The following LRRIQ3 variants were observed in gnomAD, a reference collection of about 807,000 sequenced individuals.
LRRIQ3 encodes leucine-rich repeat and IQ domain-containing protein 3.
Under a neutral mutation model 59.3 loss-of-function variants are expected in LRRIQ3, and 75 were observed. The observed-to-expected ratio is 1.26, with a 90% CI of 1.05 to 1.53. The LOEUF (loss-of-function observed/expected upper bound fraction) is 1.53, where lower values mean the gene tolerates loss of function less well. Ranked by LOEUF, LRRIQ3 falls within the 40% of genes most tolerant of loss-of-function variation. The pLI, the probability that LRRIQ3 is intolerant of heterozygous loss-of-function variation, is 0.00. For synonymous variants in LRRIQ3, 250 were observed against 231.3 expected (o/e 1.08, Z -0.73); for missense variants, 831 against 710.0 (o/e 1.17, Z -1.94).
chr1:74,173,740 T>C (rs894024720), intron 3 of LRRIQ3, among the ~76,000 whole-genome samples: 3 of 152,064 alleles, frequency 2.0e-5, no homozygotes, highest in African/African-American at 7.2e-5. Flanking sequence ...ATAATAATAA[T>C]AAAATAAATT....
intron 5 of LRRIQ3, among the ~76,000 whole-genome samples, chr1:74,099,884 T>C (rs1646505533): frequency 6.6e-6 from 1 of 152,058 alleles, no homozygotes; most frequent in South Asian, 2.1e-4. Flanking sequence ...TCTCAATAAA[T>C]TAGGTATTAA....
At chr1:74,062,271 G>GAT (rs2100446935) in intron 6 of LRRIQ3, among the ~76,000 whole-genome samples, 1 of 151,952 alleles carries the variant, frequency 6.6e-6, no homozygotes, top group Non-Finnish European at 1.5e-5. Context: ...TTCAAAAGAA[G>GAT]ATATATATAT....
chr1:74,063,089 C>T (rs576890513), intron 6 of LRRIQ3, among the ~76,000 whole-genome samples: 3 of 149,722 alleles, frequency 2.0e-5, no homozygotes, highest in Admixed American at 2.0e-4. Flanking sequence ...AAAATCAAAA[C>T]AAAACAAAAC....
chr1:74,177,370 G>C (rs146362760), intron 3 of LRRIQ3, among the ~76,000 whole-genome samples: 1 of 152,058 alleles, frequency 6.6e-6, no homozygotes, highest in South Asian at 2.1e-4. Flanking sequence ...CCTCAAGCTT[G>C]CAGACAGCCT....
intron 3 of LRRIQ3, among the ~76,000 whole-genome samples, chr1:74,176,701 C>A (rs1373538019): frequency 1.3e-5 from 2 of 151,878 alleles, no homozygotes; most frequent in African/African-American, 4.8e-5. Flanking sequence ...TTAATTGGCA[C>A]AGCTTTAGGG....
Position 74,197,985 on chromosome 1 carries a change from G to A in LRRIQ3, c.-1+11C>T. ...TTCTAACAATTTTGTCACCCAAACT[G>A]AACCACTCACCGGGTCAACTGGGCT... On this transcript the variant is annotated intron_variant, in intron 1 of 7. Transcript: ENST00000354431. The A allele has an allele frequency of 2.0e-6, 1 of 501,872 alleles. No individual in the cohort carries two copies. The highest frequency in any genetic ancestry group is 3.7e-5 in the South Asian group (1 of 27,332). The allele number at this position is 501,872 out of a possible 1,614,324, so 31.1% of individuals were successfully genotyped here.
chr1:74,039,606 G>T (rs545180856), intron 7 of LRRIQ3, among the ~76,000 whole-genome samples: 1 of 152,244 alleles, frequency 6.6e-6, no homozygotes, highest in South Asian at 2.1e-4. Context: ...AACTCTACAA[G>T]CCAGAAGAGA....
At chr1:74,074,586 C>A in intron 6 of LRRIQ3, 75 bp downstream of exon 6, 1 of 663,008 alleles carries the variant, frequency 1.5e-6, no homozygotes, top group South Asian at 4.4e-5. Flanking sequence ...ATCAACATGC[C>A]CAATTTCTAA....
At chr1:74,109,140 A>G (rs1459078856) in intron 5 of LRRIQ3, 4 of 225,594 alleles carry the variant, frequency 1.8e-5, no homozygotes, top group Non-Finnish European at 2.6e-5. Flanking sequence ...ACTTGTAAAA[A>G]CTAAATAAAA....
intron 4 of LRRIQ3, among the ~76,000 whole-genome samples, chr1:74,155,163 G>T (rs1029120627): frequency 1.3e-4 from 20 of 152,116 alleles, no homozygotes; most frequent in Admixed American, 8.5e-4. Context: ...ATTAGAATAA[G>T]CTATATGAAT....
At chr1:74,100,078 A>T (rs904725477) in intron 5 of LRRIQ3, among the ~76,000 whole-genome samples, 29 of 152,192 alleles carry the variant, frequency 1.9e-4, no homozygotes, top group African/African-American at 6.8e-4. Flanking sequence ...AGGAGAAAGA[A>T]ATAAAGGGTA....
At chr1:74,173,653 T>G (rs567500910) in intron 3 of LRRIQ3, among the ~76,000 whole-genome samples, 105 of 152,204 alleles carry the variant, frequency 6.9e-4, no homozygotes, top group Non-Finnish European at 1.1e-3. Flanking sequence ...GTCACTGATA[T>G]CATACTTTTC....
intron 6 of LRRIQ3, among the ~76,000 whole-genome samples, chr1:74,064,968 T>C (rs946886780): frequency 2.0e-5 from 3 of 152,138 alleles, no homozygotes; most frequent in African/African-American, 7.2e-5. Flanking sequence ...TAGAATACAG[T>C]TTTTCAACAA....
chr1:74,094,362 G>A (rs1646426690), intron 5 of LRRIQ3, among the ~76,000 whole-genome samples: 1 of 151,994 alleles, frequency 6.6e-6, no homozygotes, highest in South Asian at 2.1e-4. Flanking sequence ...TAAAATAATA[G>A]GGGTCTTTGT....
At chr1:74,163,498 T>G (rs1648782491) in intron 3 of LRRIQ3, among the ~76,000 whole-genome samples, 1 of 151,674 alleles carries the variant, frequency 6.6e-6, no homozygotes, top group East Asian at 1.9e-4. Context: ...TGCTAGGCAG[T>G]GAAAATATAA....
chr1:74,075,284 G>A (rs921116229), intron 5 of LRRIQ3, among the ~76,000 whole-genome samples: 1 of 151,990 alleles, frequency 6.6e-6, no homozygotes, highest in Non-Finnish European at 1.5e-5. Context: ...AACTACAAAT[G>A]GGCCAGGCAC....
chr1:74,113,159 A>C (rs796426437), intron 4 of LRRIQ3, among the ~76,000 whole-genome samples: 24 of 152,064 alleles, frequency 1.6e-4, no homozygotes, highest in African/African-American at 5.5e-4. Context: ...AAAAAAAACC[A>C]AAAATTTTGC....
chr1:74,098,292 CAA>C (rs1415666836), intron 5 of LRRIQ3, among the ~76,000 whole-genome samples: 2 of 152,036 alleles, frequency 1.3e-5, no homozygotes, highest in Non-Finnish European at 2.9e-5. Flanking sequence ...ACCAAAAGAT[CAA>C]AAGAGACAAA....
intron 4 of LRRIQ3, among the ~76,000 whole-genome samples, chr1:74,142,016 A>G (rs973285795): frequency 1.3e-5 from 2 of 151,656 alleles, no homozygotes; most frequent in African/African-American, 4.8e-5. Flanking sequence ...CATATTACAC[A>G]AACATATATA....
Sources: gnomAD v4.1 joint callset for allele counts (sites outside exome capture counted in the v4.1 genomes callset) on GRCh38, gnomAD v4.1.1 for gene constraint, MANE v1.5 for transcripts, NCBI Gene and HGNC (gene_info 2026-07-23, HGNC 2026-07-21) for gene names.